The following SAMHD1 variants were observed in gnomAD, a reference collection of about 807,000 sequenced individuals.
SAMHD1 encodes SAM and HD domain containing deoxynucleoside triphosphate triphosphohydrolase 1.
In SAMHD1, 54 loss-of-function variants were observed where a neutral mutation model predicts 79.6. That is an observed-to-expected ratio of 0.68 (90% confidence interval 0.55 to 0.85). The LOEUF (loss-of-function observed/expected upper bound fraction) is 0.85, where lower values mean the gene tolerates loss of function less well. SAMHD1 is among the 40% of genes least tolerant of loss of function. The pLI is 0.00. For synonymous variants in SAMHD1, 260 were observed against 264.1 expected (o/e 0.98, Z 0.15); for missense variants, 663 against 782.7 (o/e 0.85, Z 1.82).
intron 11 of SAMHD1, among the ~76,000 whole-genome samples, chr20:36,910,344 A>C (rs1320020086): frequency 6.6e-6 from 1 of 152,074 alleles, no homozygotes; most frequent in African/African-American, 2.4e-5. Flanking sequence ...TTGAGGCTGC[A>C]ATAAGCTGTG....
At chr20:36,904,315 TTC>T (rs571690830) in intron 12 of SAMHD1, 66 bp from the exon 13 acceptor site, 2 of 1,115,874 alleles carry the variant, frequency 1.8e-6, no homozygotes, top group Non-Finnish European at 2.8e-6. Flanking sequence ...CACAAACAGG[TTC>T]TCTTTATGAA....
intron 3 of SAMHD1, among the ~76,000 whole-genome samples, chr20:36,936,277 CA>C (rs769460588): frequency 6.6e-6 from 1 of 152,096 alleles, no homozygotes; most frequent in Middle Eastern, 3.4e-3. Context: ...TAATTTTGTA[CA>C]GCTGAACAAT....
At chr20:36,901,584 A>T (rs1990307559) in intron 13 of SAMHD1, among the ~76,000 whole-genome samples, 1 of 152,034 alleles carries the variant, frequency 6.6e-6, no homozygotes, top group Admixed American at 6.6e-5. Flanking sequence ...AAAAACTTAA[A>T]AATTAGCTGG....
At chr20:36,913,344 C>G (rs967218041) in intron 9 of SAMHD1, among the ~76,000 whole-genome samples, 2 of 151,370 alleles carry the variant, frequency 1.3e-5, no homozygotes, top group African/African-American at 4.8e-5. Flanking sequence ...TGGCTCATGC[C>G]TGTAACCCCA....
chr20:36,914,244 T>C (rs560722707), intron 9 of SAMHD1, among the ~76,000 whole-genome samples: 41 of 152,280 alleles, frequency 2.7e-4, no homozygotes, highest in Admixed American at 1.2e-3. Context: ...CAATCCCTCC[T>C]GTTCCTGAGC....
rs147619244 is a variant in SAMHD1 at position 36,945,650 on chromosome 20, G to A, written c.275+1088C>T. On this transcript the variant is annotated intron_variant, in intron 2 of 15. Transcript: ENST00000646673. Reference sequence around the variant, plus strand: ...AATCTCAGCACTTTGGGAGGCCAAGGTGGGCAGACCTTGGCCCACCTTAGG... The same window carrying A: ...AATCTCAGCACTTTGGGAGGCCAAGATGGGCAGACCTTGGCCCACCTTAGG... Among the ~76,000 whole-genome samples, 7 of 152,198 alleles carry A rather than the reference G, an allele frequency of 4.6e-5. No individual in the cohort carries two copies. The East Asian group carries it at 1.2e-3, about 25-fold the overall frequency.
chr20:36,902,974 A>T (rs998917384), intron 13 of SAMHD1, among the ~76,000 whole-genome samples: 39 of 151,582 alleles, frequency 2.6e-4, no homozygotes, highest in Admixed American at 1.8e-3. Flanking sequence ...CCTGACTTCA[A>T]GTGATTCACT....
chr20:36,898,338 G>T, intron 14 of SAMHD1, 102 bp downstream of exon 14: 1 of 903,510 alleles, frequency 1.1e-6, no homozygotes. Context: ...CACTTTAATT[G>T]TAAAGATATG....
At chr20:36,898,415 A>G (rs1204450661) in intron 14 of SAMHD1, 25 bp downstream of exon 14, 1 of 1,495,856 alleles carries the variant, frequency 6.7e-7, no homozygotes, top group Non-Finnish European at 9.3e-7. Flanking sequence ...CCACTATAGT[A>G]TATTTGTTTT....
chr20:36,948,442 GGTGTTTCACCAT>G (rs984555362), intron 1 of SAMHD1, among the ~76,000 whole-genome samples: 1 of 151,918 alleles, frequency 6.6e-6, no homozygotes, highest in African/African-American at 2.4e-5. Context: ...TAGTAGAGAC[GGTGTTTCACCAT>G]GTTGGCCAGG....
At chr20:36,908,201 TGTATATA>T (rs1202102152) in intron 11 of SAMHD1, among the ~76,000 whole-genome samples, 1 of 151,980 alleles carries the variant, frequency 6.6e-6, no homozygotes. Context: ...TAAAGAACAA[TGTATATA>T]GTTCTTGTAA....
chr20:36,916,603 C>T, intron 9 of SAMHD1, 119 bp downstream of exon 9: 1 of 788,952 alleles, frequency 1.3e-6, no homozygotes. Context: ...ATTTACAAAT[C>T]CTAGGAATTA....
Position 36,893,016 on chromosome 20 carries a change from G to A in SAMHD1, c.1797C>T (p.Asn599=), listed in dbSNP as rs35102927. ...TTGGATTTTGGACTGAAGTACTGTC[G>A]TTCCATTCCTTTTTTTGAGGTGTTA... The part of the protein sequence containing the change: ...PLITPQKKEW[N]DSTSVQNPTR... The change falls in exon 16 of 16, where the codon AAC becomes AAT. Residue 599 remains asparagine (N), a synonymous_variant. Coordinates refer to ENST00000646673, the MANE Select transcript of SAMHD1 (RefSeq NM_015474.4). 353 of 1,613,894 alleles carry A rather than the reference G, an allele frequency of 2.2e-4. No homozygotes were observed. In the African/African-American group the frequency reaches 3.4e-3, roughly 16 times the overall value.
intron 5 of SAMHD1, among the ~76,000 whole-genome samples, chr20:36,928,281 C>T (rs945065003): frequency 3.3e-5 from 5 of 151,844 alleles, no homozygotes; most frequent in Non-Finnish European, 7.4e-5. Context: ...CCCAGCTACT[C>T]GGGAGGCTGA....
intron 11 of SAMHD1, among the ~76,000 whole-genome samples, chr20:36,906,070 G>C (rs144851313): frequency 2.0e-5 from 3 of 152,260 alleles, no homozygotes; most frequent in African/African-American, 4.8e-5. Context: ...CATTGGAGTT[G>C]ATGACTGCTG....
intron 5 of SAMHD1, among the ~76,000 whole-genome samples, chr20:36,930,275 C>T (rs2063560623): frequency 6.6e-6 from 1 of 151,800 alleles, no homozygotes; most frequent in South Asian, 2.1e-4. Context: ...GCTGGTGGAT[C>T]ACCTGAGGTC....
intron 15 of SAMHD1, among the ~76,000 whole-genome samples, chr20:36,895,782 C>T (rs2148354305): frequency 6.6e-6 from 1 of 152,158 alleles, no homozygotes; most frequent in African/African-American, 2.4e-5. Flanking sequence ...GTACCTAGGA[C>T]AGACATACAG....
At chr20:36,896,024 C>T (rs1375816435) in intron 15 of SAMHD1, among the ~76,000 whole-genome samples, 1 of 151,942 alleles carries the variant, frequency 6.6e-6, no homozygotes, top group Non-Finnish European at 1.5e-5. Context: ...CATATGCAAA[C>T]ACTATACCAT....
chr20:36,898,391 A>C (rs1990237159), intron 14 of SAMHD1, 49 bp downstream of exon 14: 1 of 1,368,100 alleles, frequency 7.3e-7, no homozygotes, highest in South Asian at 1.2e-5. Flanking sequence ...TTTACTATAA[A>C]GATTTGCTAC....
Sources: gnomAD v4.1 joint callset for allele counts (sites outside exome capture counted in the v4.1 genomes callset) on GRCh38, gnomAD v4.1.1 for gene constraint, MANE v1.5 for transcripts, NCBI Gene and HGNC (gene_info 2026-07-23, HGNC 2026-07-21) for gene names.